MYO18B: variants seen among roughly 807,000 people sequenced by gnomAD.
MYO18B encodes the protein myosin XVIIIB.
In MYO18B, 204 loss-of-function variants were observed where a neutral mutation model predicts 273.0. The observed-to-expected ratio is 0.75, with a 90% CI of 0.67 to 0.84. The LOEUF is 0.84. Among genes scored for constraint, MYO18B ranks in the 40% least tolerant of loss-of-function variants. The probability of loss-of-function intolerance (pLI) is 0.00; values close to 1 mark genes in which losing one functional copy is unlikely to be tolerated. For missense variants in MYO18B, 3,212 were observed against 3,287.6 expected (o/e 0.98, Z 0.56); for synonymous variants, 1,330 against 1,305.7 (o/e 1.02, Z -0.40).
intron 42 of MYO18B, among the ~76,000 whole-genome samples, chr22:26,018,840 C>T (rs1441018686): frequency 6.6e-5 from 10 of 152,128 alleles, no homozygotes; most frequent in Admixed American, 6.6e-4. Context: ...CCTGTAATCC[C>T]AGCTGCTTGG....
chr22:25,766,895 C>T (rs1025280919), intron 3 of MYO18B, among the ~76,000 whole-genome samples: 2 of 152,150 alleles, frequency 1.3e-5, no homozygotes, highest in African/African-American at 2.4e-5. Context: ...CAGCAGTTCA[C>T]GGGCTGTGGC....
At chr22:25,763,015 T>G in intron 2 of MYO18B, 2 of 731,314 alleles carry the variant, frequency 2.7e-6, no homozygotes, top group Non-Finnish European at 2.6e-6. Flanking sequence ...ACCCGCATAA[T>G]TCCTGGCTGC....
chr22:25,956,322 T>C (rs561544812), intron 39 of MYO18B, among the ~76,000 whole-genome samples: 2 of 152,034 alleles, frequency 1.3e-5, no homozygotes, highest in East Asian at 3.9e-4. Context: ...TTCAAGCGAT[T>C]CTCGTGGCTC....
At position 25,781,832 on chromosome 22, in the gene MYO18B, C is replaced by T; in HGVS notation, c.2310C>T (p.Leu770=). 1 of 1,561,038 alleles carries T rather than the reference C, an allele frequency of 6.4e-7. No individual in the cohort carries two copies. The highest frequency in any genetic ancestry group is 8.6e-7 in the Non-Finnish European group (1 of 1,156,578). ...SQMLAGLDLD[L]RTELNLHQMA... is the part of the protein sequence containing the mutation. ...TGCTGGCTGGATTGGACTTGGATCT[C>T]AGGTGAGCACTTGGGGCAGGAAGAG... The change falls in exon 10 of 44, where the codon CTC becomes CTT. Residue 770 remains leucine, a splice_region_variant and synonymous_variant. Transcript: ENST00000335473.
At position 25,890,760 on chromosome 22, in the gene MYO18B, C is replaced by G; in HGVS notation, c.4319C>G (p.Ala1440Gly). The G allele has an allele frequency of 2.5e-6, 4 of 1,613,880 alleles. No individual in the cohort carries two copies. Among genetic ancestry groups the G allele is most frequent in the South Asian group, 1.1e-5 (1 of 91,058 alleles). ...QNTDLLESKIADLTSDLADER... is the reference protein window; with the variant it reads ...QNTDLLESKIGDLTSDLADER... ...TCACCCCATTCCCCATCTCAGATTG[C>G]TGACTTGACCTCTGACCTTGCCGAT... The change falls in exon 26 of 44, where the codon GCT becomes GGT. Residue 1440 changes from alanine to glycine, a missense_variant. Physicochemically the swap from Ala to Gly is moderately conservative, Grantham distance 60. Transcript: ENST00000335473.
At chr22:26,053,241 A>C in the MYO18B span, among the ~76,000 whole-genome samples, 4 of 152,214 alleles carry the variant, frequency 2.6e-5, no homozygotes, top group African/African-American at 9.6e-5. Context: ...GGTTATGCTA[A>C]TATCACTGTC....
intron 12 of MYO18B, among the ~76,000 whole-genome samples, chr22:25,812,172 G>A (rs1808796756): frequency 6.6e-6 from 1 of 152,152 alleles, no homozygotes; most frequent in African/African-American, 2.4e-5. Context: ...TCCACTTTAA[G>A]GATGCTACCT....
At chr22:25,962,327 C>G (rs1331367203) in intron 39 of MYO18B, among the ~76,000 whole-genome samples, 2 of 152,170 alleles carry the variant, frequency 1.3e-5, no homozygotes, top group Non-Finnish European at 2.9e-5. Context: ...TTCTTGTCTT[C>G]CTAGAGAGAG....
At chr22:25,962,031 G>T (rs987411150) in intron 39 of MYO18B, among the ~76,000 whole-genome samples, 1 of 152,170 alleles carries the variant, frequency 6.6e-6, no homozygotes, top group African/African-American at 2.4e-5. Context: ...GCAGGTGCTG[G>T]TGTCACACTT....
At chr22:25,977,325 A>G (rs527582176) in intron 39 of MYO18B, among the ~76,000 whole-genome samples, 1 of 151,552 alleles carries the variant, frequency 6.6e-6, no homozygotes, top group Non-Finnish European at 1.5e-5. Context: ...TTGTATTTGT[A>G]TTTGTATTTG....
intron 15 of MYO18B, 104 bp from the exon 16 acceptor site, chr22:25,832,813 G>A (rs997726352): frequency 2.1e-6 from 2 of 967,200 alleles, no homozygotes; most frequent in African/African-American, 1.6e-5. Flanking sequence ...TTTTTAAAGG[G>A]CCAAGAGGTG....
At position 25,911,018 on chromosome 22, in the gene MYO18B, T is replaced by G; in HGVS notation, c.5332T>G (p.Leu1778Val). 6.2e-7 allele frequency: 1 copy of G among 1,606,186 alleles called. No individual in the cohort carries two copies. The highest frequency in any genetic ancestry group is 8.5e-7 in the Non-Finnish European group (1 of 1,176,568). Reference protein sequence around the residue: ...KQMVLHEKQDLEGLIGTLCDQ... With the variant: ...KQMVLHEKQDVEGLIGTLCDQ... ...GATGGTCCTCCATGAGAAGCAAGATTTGGAAGGCTTGATCGGAACCCTCTG... is the reference window on the plus strand; with the variant it reads ...GATGGTCCTCCATGAGAAGCAAGATGTGGAAGGCTTGATCGGAACCCTCTG... Residue 1778 changes from leucine (L) to valine (V), a missense_variant, in exon 33 of 44, where the codon TTG becomes GTG. Coordinates refer to ENST00000335473, the MANE Select transcript of MYO18B (RefSeq NM_032608.7).
At chr22:25,973,890 G>C (rs80123995) in intron 39 of MYO18B, among the ~76,000 whole-genome samples, 47 of 152,234 alleles carry the variant, frequency 3.1e-4, no homozygotes, top group African/African-American at 1.1e-3. Context: ...CACAAGGAGG[G>C]GGACCTGTTT....
rs1420397618 is a variant in MYO18B, at chr22:25,761,116, C to T, written c.24C>T (p.Ala8=). 4 of 1,613,344 alleles carry T rather than the reference C, an allele frequency of 2.5e-6. No homozygotes were observed. Among genetic ancestry groups the T allele is most frequent in the Admixed American group, 1.7e-5 (1 of 60,006 alleles). Residue 8 remains alanine (A), a synonymous_variant, in exon 2 of 44, where the codon GCC becomes GCT. Coordinates refer to ENST00000335473, the MANE Select transcript of MYO18B (RefSeq NM_032608.7). Reference sequence around the variant, plus strand: ...GCATGGCCATCTCATCACGCCTCGCCCTGTGGGAGCAGAAGGAAAGTGACA... The same window carrying T: ...GCATGGCCATCTCATCACGCCTCGCTCTGTGGGAGCAGAAGGAAAGTGACA... MAISSRL[A]LWEQKIREED... is the part of the protein sequence containing the mutation.
chr22:25,849,857 C>T (rs969967670), intron 20 of MYO18B, among the ~76,000 whole-genome samples: 2 of 152,170 alleles, frequency 1.3e-5, no homozygotes, highest in African/African-American at 2.4e-5. Flanking sequence ...CACATAATAC[C>T]CATTAGCCAC....
At chr22:26,040,980 C>T in the MYO18B span, among the ~76,000 whole-genome samples, 6 of 152,194 alleles carry the variant, frequency 3.9e-5, no homozygotes, top group Non-Finnish European at 7.4e-5. Flanking sequence ...ACAGAACTTT[C>T]GGTGCTAAAA....
chr22:26,008,975 C>A (rs1007256832), intron 42 of MYO18B, among the ~76,000 whole-genome samples: 1 of 152,146 alleles, frequency 6.6e-6, no homozygotes, highest in Non-Finnish European at 1.5e-5. Context: ...GGTCACTCAC[C>A]CTGTTCTGCA....
chr22:25,813,750 T>A (rs573697265), intron 12 of MYO18B, among the ~76,000 whole-genome samples: 1 of 152,274 alleles, frequency 6.6e-6, no homozygotes, highest in East Asian at 1.9e-4. Context: ...ACCTAAGGGC[T>A]CTAATGGAGA....
rs370615475 is a variant in MYO18B at position 25,987,510 on chromosome 22, T to G, written c.6157-4853T>G. On this transcript the variant is annotated intron_variant, in intron 39 of 43. Coordinates refer to ENST00000335473, the MANE Select transcript of MYO18B (RefSeq NM_032608.7). The stretch of plus-strand genomic sequence containing the variant: ...TATTACATATGTATCATGTATATTA[T>G]GTATGCATTAGAATGTATAATTTAT... Among the ~76,000 whole-genome samples, 122 of 152,330 alleles carry G rather than the reference T, an allele frequency of 8.0e-4. 2 individuals carry two copies. Among genetic ancestry groups the G allele is most frequent in the African/African-American group, 2.9e-3 (121 of 41,574 alleles).
Sources: allele counts gnomAD v4.1 joint callset (sites outside exome capture counted in the v4.1 genomes callset), GRCh38; gene constraint gnomAD v4.1.1; transcripts MANE v1.5; gene names NCBI Gene and HGNC (gene_info 2026-07-23, HGNC 2026-07-21).